MARCHF6: variants seen among roughly 807,000 people sequenced by gnomAD.
MARCHF6 encodes the protein membrane associated ring-CH-type finger 6.
In MARCHF6, 31 loss-of-function variants were observed where a neutral mutation model predicts 133.7. The ratio of observed to expected loss-of-function variants is 0.23; its 90% CI spans 0.17 to 0.31. MARCHF6 has a LOEUF of 0.31. Among genes scored for constraint, MARCHF6 ranks in the 10% least tolerant of loss-of-function variants. MARCHF6 has a pLI of 1.00. For missense variants in MARCHF6, 723 were observed against 1,121.6 expected (o/e 0.64, Z 5.08); for synonymous variants, 395 against 402.5 (o/e 0.98, Z 0.22).
chr5:10,426,928 T>C (rs1579621187), intron 24 of MARCHF6, among the ~76,000 whole-genome samples: 1 of 152,362 alleles, frequency 6.6e-6, no homozygotes. Flanking sequence ...GGGCAACACG[T>C]TTATACTGAA....
At chr5:10,415,349 T>G in intron 20 of MARCHF6, 139 bp from the exon 21 acceptor site, 1 of 788,500 alleles carries the variant, frequency 1.3e-6, no homozygotes, top group South Asian at 1.9e-5. Context: ...GATTTTTGTC[T>G]TTTGTTTTTT....
At chr5:10,389,935 T>C (rs1229839455) in intron 5 of MARCHF6, among the ~76,000 whole-genome samples, 4 of 152,218 alleles carry the variant, frequency 2.6e-5, no homozygotes, top group African/African-American at 9.6e-5. Context: ...ACAGAGTTTT[T>C]AACCTTTGGT....
At chr5:10,420,883 C>G (rs1190034084) in intron 22 of MARCHF6, among the ~76,000 whole-genome samples, 1 of 152,202 alleles carries the variant, frequency 6.6e-6, no homozygotes, top group Non-Finnish European at 1.5e-5. Flanking sequence ...TCACAGATTA[C>G]TCTGCTTTCT....
chr5:10,426,555 G>A (rs1208740585), intron 24 of MARCHF6, 33 bp downstream of exon 24: 2 of 1,609,618 alleles, frequency 1.2e-6, no homozygotes, highest in African/African-American at 1.3e-5. Flanking sequence ...CCTTGAAGGA[G>A]CACTTTTATT....
intron 7 of MARCHF6, among the ~76,000 whole-genome samples, chr5:10,392,853 C>T (rs1035562847): frequency 6.6e-6 from 1 of 152,076 alleles, no homozygotes; most frequent in African/African-American, 2.4e-5. Context: ...TCAAGCTTTG[C>T]ACTATCTCTA....
chr5:10,429,963 G>A lies in MARCHF6; in HGVS notation c.2577G>A (p.Leu859=). 6.2e-7 allele frequency: 1 copy of A among 1,613,758 alleles called. No homozygotes were observed. The change falls in exon 25 of 26, where the codon TTG becomes TTA. Residue 859 remains leucine (L), a synonymous_variant. Transcript: ENST00000274140. ...IYPFLLMVVV[L]MAILSFQVRQ... is the part of the protein sequence containing the mutation. ...CATTTTTACTGATGGTCGTGGTATT[G>A]ATGGCAATTTTGTCCTTCCAAGTCC...
chr5:10,439,526 T>C lies in MARCHF6; in HGVS notation c.*5842T>C, dbSNP rs1383868439. On this transcript the variant is annotated 3_prime_UTR_variant, in exon 26 of 26. Transcript: ENST00000274140. The stretch of plus-strand genomic sequence containing the variant: ...CAAGCTGTAGAGTGGCAGAAAAATA[T>C]TTGCAAAACATTTCTGATAAATGAG... The C allele has an allele frequency of 6.6e-6, 1 of 152,236 alleles. No homozygotes were observed. The highest frequency in any genetic ancestry group is 1.9e-4 in the East Asian group (1 of 5,200). 9.4% of individuals were successfully genotyped at this position (152,236 alleles called of 1,614,324 possible).
Position 10,435,411 on chromosome 5 carries a change from T to C in MARCHF6, c.*1727T>C, listed in dbSNP as rs1166282676. On this transcript the variant is annotated 3_prime_UTR_variant, in exon 26 of 26. Transcript: ENST00000274140. Reference sequence around the variant, plus strand: ...AAAAAAAAATCAGTATCAGAAATAATGCTTGACATAGGATTCAGTGTTATA... The same window carrying C: ...AAAAAAAAATCAGTATCAGAAATAACGCTTGACATAGGATTCAGTGTTATA... The C allele has an allele frequency of 6.6e-6, 1 of 150,686 alleles. No homozygotes were observed. Among genetic ancestry groups the C allele is most frequent in the Non-Finnish European group, 1.5e-5 (1 of 67,724 alleles). The allele number at this position is 150,686 out of a possible 1,614,324, so 9.3% of individuals were successfully genotyped here.
intron 24 of MARCHF6, among the ~76,000 whole-genome samples, chr5:10,426,763 CA>C (rs1740109541): frequency 6.6e-6 from 1 of 152,210 alleles, no homozygotes; most frequent in Non-Finnish European, 1.5e-5. Flanking sequence ...TTGAAATTTA[CA>C]TGCTGTACAA....
Position 10,400,777 on chromosome 5 carries a change from T to C in MARCHF6, c.914-7T>C, listed in dbSNP as rs376122507. On this transcript the variant is annotated splice_region_variant and splice_polypyrimidine_tract_variant and intron_variant, in intron 10 of 25. Coordinates refer to ENST00000274140, the MANE Select transcript of MARCHF6 (RefSeq NM_005885.4). The stretch of plus-strand genomic sequence containing the variant: ...GAGTTTTCATGGAATTTTTTCCCCC[T>C]TTTTAGCATTTTGCCCTTACCATAT... 6 of 1,609,880 alleles carry C rather than the reference T, an allele frequency of 3.7e-6. No homozygotes were observed. The Admixed American group carries it at 5.0e-5, about 13-fold the overall frequency.
intron 7 of MARCHF6, among the ~76,000 whole-genome samples, chr5:10,392,774 C>G (rs1194028843): frequency 6.6e-6 from 1 of 151,794 alleles, no homozygotes. Context: ...AAAAAAGATC[C>G]AAGACAGGGT....
intron 17 of MARCHF6, among the ~76,000 whole-genome samples, chr5:10,409,685 G>C (rs760674190): frequency 3.3e-5 from 5 of 152,196 alleles, no homozygotes; most frequent in Non-Finnish European, 5.9e-5. Flanking sequence ...AACTGGGTTG[G>C]AGTGGCTAGG....
chr5:10,408,467 A>T (rs77620565), intron 17 of MARCHF6, among the ~76,000 whole-genome samples: 5 of 152,174 alleles, frequency 3.3e-5, no homozygotes, highest in Admixed American at 2.0e-4. Context: ...TCTGTTTACA[A>T]TGACTTGCTT....
chr5:10,363,916 T>TAG (rs1482866991), intron 1 of MARCHF6, among the ~76,000 whole-genome samples: 2 of 152,142 alleles, frequency 1.3e-5, no homozygotes, highest in African/African-American at 4.8e-5. Flanking sequence ...AATCTATATA[T>TAG]AGAGAAATTA....
At chr5:10,433,221 G>T (rs565268309) in intron 25 of MARCHF6, among the ~76,000 whole-genome samples, 1 of 152,274 alleles carries the variant, frequency 6.6e-6, no homozygotes, top group East Asian at 1.9e-4. Flanking sequence ...CATGTTTTTA[G>T]TCTGTCTCCT....
At chr5:10,362,860 G>C (rs2578648) in intron 1 of MARCHF6, among the ~76,000 whole-genome samples, 118,343 of 152,042 alleles carry the variant, frequency 0.78, 47,811 homozygotes, top group Non-Finnish European at 0.9. Flanking sequence ...GGTAGTGTAG[G>C]ATAGAGTCCA....
intron 1 of MARCHF6, among the ~76,000 whole-genome samples, chr5:10,367,563 T>C (rs1736211106): frequency 6.6e-6 from 1 of 152,214 alleles, no homozygotes; most frequent in Admixed American, 6.5e-5. Flanking sequence ...GCTTAAGAGT[T>C]ATAACATGTA....
chr5:10,402,727 C>T (rs1264174877), intron 14 of MARCHF6, 120 bp downstream of exon 14: 1 of 911,738 alleles, frequency 1.1e-6, no homozygotes. Context: ...ATTCTTTTGG[C>T]ATGTGTATCA....
chr5:10,376,225 A>G (rs1736770787), intron 1 of MARCHF6, among the ~76,000 whole-genome samples: 1 of 152,060 alleles, frequency 6.6e-6, no homozygotes, highest in African/African-American at 2.4e-5. Flanking sequence ...TGTAACACTC[A>G]CCGTGAAGAT....
Sources: allele counts gnomAD v4.1 joint callset (sites outside exome capture counted in the v4.1 genomes callset), GRCh38; gene constraint gnomAD v4.1.1; transcripts MANE v1.5; gene names NCBI Gene and HGNC (gene_info 2026-07-23, HGNC 2026-07-21).